KLRG1: variants seen among roughly 807,000 people sequenced by gnomAD.
The protein encoded by KLRG1 is killer cell lectin like receptor G1, also known as killer cell lectin-like receptor subfamily G member 1.
A neutral mutation model predicts 21.8 loss-of-function variants in KLRG1; 16 were observed. That is an observed-to-expected ratio of 0.73 (90% CI 0.50 to 1.11). KLRG1 has a LOEUF of 1.11. KLRG1 is among the 50% of genes most tolerant of loss of function. KLRG1 has a pLI of 0.00. For missense variants in KLRG1, 173 were observed against 218.3 expected (o/e 0.79, Z 1.31); for synonymous variants, 69 against 75.9 (o/e 0.91, Z 0.47).
At chr12:9,157,289 G>A in the KLRG1 span, 5 of 1,614,072 alleles carry the variant, frequency 3.1e-6, no homozygotes, top group South Asian at 5.5e-5. Flanking sequence ...TGGCTCCCAT[G>A]GGTCCCCTCC....
the KLRG1 span, among the ~76,000 whole-genome samples, chr12:9,190,954 TGAA>T: frequency 2.0e-5 from 3 of 152,172 alleles, no homozygotes; most frequent in Non-Finnish European, 4.4e-5. Context: ...AATTCTTTGG[TGAA>T]GAGTAAATCG....
At chr12:9,074,544 T>G in the KLRG1 span, 1 of 1,591,700 alleles carries the variant, frequency 6.3e-7, no homozygotes, top group Non-Finnish European at 8.6e-7. Flanking sequence ...ATAAAAGGTT[T>G]TGGCAAATCA....
At chr12:9,027,226 A>T in the KLRG1 span, among the ~76,000 whole-genome samples, 1 of 151,928 alleles carries the variant, frequency 6.6e-6, no homozygotes, top group Non-Finnish European at 1.5e-5. Context: ...TCACGATCAG[A>T]CTATTCCATT....
the KLRG1 span, chr12:9,157,463 G>A: frequency 9.7e-7 from 1 of 1,033,314 alleles, no homozygotes; most frequent in South Asian, 1.6e-5. Context: ...CAGACAGATA[G>A]GCAGACAGCT....
chr12:9,207,995 G>T, the KLRG1 span, among the ~76,000 whole-genome samples: 1 of 152,284 alleles, frequency 6.6e-6, no homozygotes, highest in Admixed American at 6.5e-5. Context: ...GAACTGTTCT[G>T]TGAAGTTGGG....
the KLRG1 span, chr12:9,194,300 T>G: frequency 6.7e-7 from 1 of 1,495,016 alleles, no homozygotes; most frequent in Non-Finnish European, 9.1e-7. Flanking sequence ...TGAACTCATG[T>G]GAACAAATGC....
At chr12:9,077,470 T>C in the KLRG1 span, 2 of 1,551,498 alleles carry the variant, frequency 1.3e-6, no homozygotes, top group Middle Eastern at 1.7e-4. Flanking sequence ...GAGAATGCTA[T>C]TGATTAGTTC....
the KLRG1 span, among the ~76,000 whole-genome samples, chr12:9,052,465 G>A: frequency 6.6e-6 from 1 of 152,290 alleles, no homozygotes; most frequent in East Asian, 1.9e-4. Flanking sequence ...ATGCCAACAG[G>A]TCTCAGACAT....
At chr12:9,001,615 C>G (rs1247196404) in intron 3 of KLRG1, among the ~76,000 whole-genome samples, 4 of 152,200 alleles carry the variant, frequency 2.6e-5, no homozygotes, top group African/African-American at 9.7e-5. Context: ...GTCAAATGCT[C>G]CTTTTCTCTG....
the KLRG1 span, among the ~76,000 whole-genome samples, chr12:9,061,951 A>G: frequency 1.3e-5 from 2 of 152,070 alleles, no homozygotes; most frequent in Admixed American, 6.5e-5. Flanking sequence ...GCTGAACTGT[A>G]TAGTATATCT....
At chr12:9,167,648 T>A in the KLRG1 span, 2 of 152,234 alleles carry the variant, frequency 1.3e-5, no homozygotes, top group Non-Finnish European at 2.9e-5. Flanking sequence ...TTCAGTTTTC[T>A]TAGCTCTTTT....
chr12:8,973,965 A>G lies in KLRG1; in HGVS notation c.-155-18241A>G, dbSNP rs575711328. ...TTTGTTGAGTCTTTTAGTTTTCTAT[A>G]TATATAATCATGTCTACTGCAAATA... On this transcript the variant is annotated intron_variant, in intron 1 of 4. Coordinates refer to the KLRG1 transcript ENST00000539240. Among the ~76,000 whole-genome samples, 6 of 152,088 alleles carry G rather than the reference A, an allele frequency of 3.9e-5. No individual in the cohort carries two copies. The South Asian group carries it at 6.2e-4, about 16-fold the overall frequency.
At chr12:9,144,447 C>T in the KLRG1 span, among the ~76,000 whole-genome samples, 6 of 151,556 alleles carry the variant, frequency 4.0e-5, no homozygotes, top group African/African-American at 9.7e-5. Flanking sequence ...GATGAGCTGC[C>T]ACTGCCCACT....
chr12:9,214,006 A>G, the KLRG1 span, among the ~76,000 whole-genome samples: 6 of 152,002 alleles, frequency 3.9e-5, no homozygotes, highest in Non-Finnish European at 7.4e-5. Flanking sequence ...TTTTTTGTAT[A>G]TAATGTGTGT....
At chr12:8,966,663 A>G (rs1490040758) in intron 1 of KLRG1, among the ~76,000 whole-genome samples, 4 of 151,332 alleles carry the variant, frequency 2.6e-5, no homozygotes, top group Middle Eastern at 3.4e-3. Flanking sequence ...TAGAATGGCA[A>G]TCATTAAAAA....
chr12:9,198,815 C>T, the KLRG1 span, among the ~76,000 whole-genome samples: 1 of 152,166 alleles, frequency 6.6e-6, no homozygotes, highest in African/African-American at 2.4e-5. Flanking sequence ...TAGATATCTG[C>T]ACTACGGCAC....
chr12:8,996,530 T>G (rs1023198246), intron 3 of KLRG1: 1 of 152,090 alleles, frequency 6.6e-6, no homozygotes, highest in Non-Finnish European at 1.5e-5. Context: ...TCTAAAGCAG[T>G]GGGGGAGAAC....
chr12:9,057,302 T>C, the KLRG1 span, among the ~76,000 whole-genome samples: 2 of 152,122 alleles, frequency 1.3e-5, no homozygotes, highest in Non-Finnish European at 2.9e-5. Context: ...AAGTGGGAGC[T>C]AAATAATTTG....
Position 8,989,601 on chromosome 12 carries a change from C to T in KLRG1, c.-35C>T, listed in dbSNP as rs769163228. On this transcript the variant is annotated 5_prime_UTR_variant, in exon 1 of 5. Transcript: ENST00000356986. ...ATCCCTTCACACTTCTATAATTTAA[C>T]TCTCTCAACTGCATGTGAAAGATCT... 5.2e-6 allele frequency: 7 copies of T among 1,350,590 alleles called. No individual in the cohort carries two copies. Among genetic ancestry groups the T allele is most frequent in the African/African-American group, 1.4e-5 (1 of 69,862 alleles). 83.7% of individuals were successfully genotyped at this position (1,350,590 alleles called of 1,614,324 possible).
Sources: gnomAD v4.1 joint callset for allele counts (sites outside exome capture counted in the v4.1 genomes callset) on GRCh38, gnomAD v4.1.1 for gene constraint, MANE v1.5 for transcripts, NCBI Gene and HGNC (gene_info 2026-07-23, HGNC 2026-07-21) for gene names.